FRK: variants seen among roughly 807,000 people sequenced by gnomAD.
FRK encodes fyn related Src family tyrosine kinase.
FRK carries 51 observed loss-of-function variants against 56.4 expected under a neutral mutation model. The observed-to-expected ratio is 0.90, with a 90% confidence interval of 0.72 to 1.14. The LOEUF (loss-of-function observed/expected upper bound fraction) is 1.14. FRK is among the 50% of genes most tolerant of loss of function. The pLI is 0.00. For synonymous variants in FRK, 245 were observed against 217.9 expected (o/e 1.12, Z -1.10); for missense variants, 570 against 601.4 (o/e 0.95, Z 0.55).
the FRK span, among the ~76,000 whole-genome samples, chr6:116,066,183 G>C: frequency 6.6e-6 from 1 of 152,198 alleles, no homozygotes; most frequent in South Asian, 2.1e-4. Context: ...TAATCTGTTC[G>C]GCATCACCTA....
rs1777573175 is a variant in FRK at position 116,060,184 on chromosome 6, T to A, written c.128A>T (p.His43Leu). The change falls in exon 1 of 8, where the codon CAT (histidine) becomes CTT (leucine). Residue 43 changes from histidine to leucine, a missense_variant. His to Leu is a moderately conservative substitution (Grantham distance 99, BLOSUM62 -3). Coordinates refer to ENST00000606080, the MANE Select transcript of FRK (RefSeq NM_002031.3). ...AAACAAAGCCACAAAGTAGTGGCCA[T>A]GCCTCTGTGACTGGGGAGAGCAAAG... ...GALCSPQSQR[H>L]GHYFVALFDY... 2.5e-6 allele frequency: 4 copies of A among 1,614,172 alleles called. No individual in the cohort carries two copies. Among genetic ancestry groups the A allele is most frequent in the Non-Finnish European group, 3.4e-6 (4 of 1,180,024 alleles).
chr6:116,020,744 A>G (rs1217715652), intron 1 of FRK, among the ~76,000 whole-genome samples: 1 of 145,978 alleles, frequency 6.9e-6, no homozygotes, highest in African/African-American at 2.8e-5. Context: ...ACAAGACACA[A>G]TTTTTCCAAC....
At chr6:115,987,577 T>C (rs1774440286) in intron 2 of FRK, among the ~76,000 whole-genome samples, 1 of 152,098 alleles carries the variant, frequency 6.6e-6, no homozygotes, top group South Asian at 2.1e-4. Context: ...TTTGCTTATC[T>C]TATAAAAACC....
At chr6:116,091,461 C>T in the FRK span, among the ~76,000 whole-genome samples, 14 of 152,098 alleles carry the variant, frequency 9.2e-5, no homozygotes, top group African/African-American at 2.4e-4. Flanking sequence ...TTTGGGTCTG[C>T]GCCACCTTTA....
At chr6:115,977,406 T>C (rs1774029237) in intron 2 of FRK, among the ~76,000 whole-genome samples, 2 of 152,290 alleles carry the variant, frequency 1.3e-5, no homozygotes, top group South Asian at 4.1e-4. Flanking sequence ...TGCATACAAC[T>C]CAACCTATGG....
chr6:116,052,595 G>A (rs1277914929), intron 1 of FRK, among the ~76,000 whole-genome samples: 1 of 152,060 alleles, frequency 6.6e-6, no homozygotes, highest in Non-Finnish European at 1.5e-5. Context: ...ACAACTCTAG[G>A]CAGGAACACC....
Position 115,933,514 on chromosome 6 carries a change from T to C in FRK, c.*8900A>G, listed in dbSNP as rs1199706334. 1.3e-5 allele frequency: 2 copies of C among 152,142 alleles called. No individual in the cohort carries two copies. The highest frequency in any genetic ancestry group is 2.9e-5 in the Non-Finnish European group (2 of 68,018). The allele number at this position is 152,142 out of a possible 1,614,324, so 9.4% of individuals were successfully genotyped here. ...TTTGACAGAACCTTGAACATAAATGTCCCCAAGAATCAAACACAGTAAGTT... is the reference window on the plus strand; with the variant it reads ...TTTGACAGAACCTTGAACATAAATGCCCCCAAGAATCAAACACAGTAAGTT... On this transcript the variant is annotated 3_prime_UTR_variant, in exon 8 of 8. Transcript: ENST00000606080.
At chr6:115,969,744 A>G (rs1773730750) in intron 2 of FRK, among the ~76,000 whole-genome samples, 1 of 152,148 alleles carries the variant, frequency 6.6e-6, no homozygotes, top group Admixed American at 6.6e-5. Flanking sequence ...TCCAGACAGG[A>G]AGCAAGCTTG....
chr6:116,032,313 G>A, intron 1 of FRK, among the ~76,000 whole-genome samples: 1 of 152,026 alleles, frequency 6.6e-6, no homozygotes, highest in East Asian at 1.9e-4. Flanking sequence ...TGCAACACAT[G>A]AGAAAAAAGA....
At chr6:116,043,355 A>T (rs1432435294) in intron 1 of FRK, among the ~76,000 whole-genome samples, 1 of 152,202 alleles carries the variant, frequency 6.6e-6, no homozygotes, top group Non-Finnish European at 1.5e-5. Flanking sequence ...CTCCTTAACA[A>T]ATGCAAAAGA....
At chr6:116,022,061 A>C (rs1227822356) in intron 1 of FRK, among the ~76,000 whole-genome samples, 1 of 152,056 alleles carries the variant, frequency 6.6e-6, no homozygotes, top group Non-Finnish European at 1.5e-5. Context: ...AATAAATTTG[A>C]CAACTAAGAT....
the FRK span, among the ~76,000 whole-genome samples, chr6:116,083,677 C>A: frequency 6.6e-6 from 1 of 152,168 alleles, no homozygotes; most frequent in South Asian, 2.1e-4. Context: ...TTGTTTCTAA[C>A]AAGTTCCCAG....
At chr6:116,084,096 C>T in the FRK span, among the ~76,000 whole-genome samples, 2 of 152,100 alleles carry the variant, frequency 1.3e-5, no homozygotes, top group African/African-American at 4.8e-5. Context: ...AGGATACCAG[C>T]AAAGCAAATG....
At chr6:116,065,551 T>C (rs1777746446), upstream of FRK, among the ~76,000 whole-genome samples, 1 of 152,204 alleles carries the variant, frequency 6.6e-6, no homozygotes, top group South Asian at 2.1e-4. Context: ...ACATTAACCA[T>C]CTTCCAACTT....
At chr6:116,048,174 G>A (rs1281731676) in intron 1 of FRK, among the ~76,000 whole-genome samples, 1 of 152,174 alleles carries the variant, frequency 6.6e-6, no homozygotes, top group African/African-American at 2.4e-5. Context: ...CATTTTTACA[G>A]AATAGAGTTG....
chr6:116,083,554 T>C, the FRK span, among the ~76,000 whole-genome samples: 1 of 152,194 alleles, frequency 6.6e-6, no homozygotes, highest in Non-Finnish European at 1.5e-5. Context: ...ATAGCAATGA[T>C]TCTCAAATTC....
intron 2 of FRK, 67 bp downstream of exon 2, chr6:116,003,804 CCATGTT>C: frequency 6.5e-7 from 1 of 1,535,130 alleles, no homozygotes; most frequent in Middle Eastern, 1.7e-4. Flanking sequence ...ATGATCGTGT[CCATGTT>C]CACACAGAAA....
chr6:116,096,663 C>T, the FRK span, among the ~76,000 whole-genome samples: 1 of 151,886 alleles, frequency 6.6e-6, no homozygotes, highest in Non-Finnish European at 1.5e-5. Context: ...AATCAGCACT[C>T]TATAAAATGG....
intron 1 of FRK, among the ~76,000 whole-genome samples, chr6:116,023,357 G>C (rs1180316253): frequency 2.6e-5 from 4 of 152,150 alleles, no homozygotes; most frequent in Non-Finnish European, 4.4e-5. Flanking sequence ...TATGAGTTTT[G>C]TTTGTAATAG....
Sources: allele counts gnomAD v4.1 joint callset (sites outside exome capture counted in the v4.1 genomes callset), GRCh38; gene constraint gnomAD v4.1.1; transcripts MANE v1.5; gene names NCBI Gene and HGNC (gene_info 2026-07-23, HGNC 2026-07-21).